The following INPP4B variants were observed in gnomAD, a reference collection of about 807,000 sequenced individuals.
The protein encoded by INPP4B is inositol polyphosphate-4-phosphatase type II B.
Under a neutral mutation model 122.5 loss-of-function variants are expected in INPP4B, and 55 were observed. The ratio of observed to expected loss-of-function variants is 0.45; its 90% CI spans 0.36 to 0.56. The LOEUF (loss-of-function observed/expected upper bound fraction) is 0.56, where lower values mean the gene tolerates loss of function less well. Among genes scored for constraint, INPP4B ranks in the 20% least tolerant of loss-of-function variants. INPP4B has a pLI of 0.00. For missense variants in INPP4B, 1,000 were observed against 1,097.7 expected, an observed-to-expected ratio of 0.91 and a Z score of 1.26; for synonymous variants, 403 against 388.7, an observed-to-expected ratio of 1.04 and a Z score of -0.43.
intron 1 of INPP4B, among the ~76,000 whole-genome samples, chr4:142,791,919 C>G (rs890365316): frequency 6.6e-5 from 10 of 152,072 alleles, no homozygotes; most frequent in African/African-American, 2.4e-4. Context: ...CCACCTCCAA[C>G]AATCCTGGCA....
In INPP4B at chr4:142,158,221, T is replaced by C. The variant is rs567463380; in HGVS notation, c.1563+2137A>G. On this transcript the variant is annotated intron_variant, in intron 17 of 25. Transcript: ENST00000262992. Reference sequence around the variant, plus strand: ...ATCTAAAAGGGCACCACATCTTCTTTCTTGAATGATTAACTTATACTCAGA... The same window carrying C: ...ATCTAAAAGGGCACCACATCTTCTTCCTTGAATGATTAACTTATACTCAGA... Among the ~76,000 whole-genome samples the C allele has an allele frequency of 3.3e-3, 502 of 152,274 alleles. 3 individuals carry two copies. The highest frequency in any genetic ancestry group is 5.9e-3 in the Non-Finnish European group (401 of 68,018).
intron 2 of INPP4B, among the ~76,000 whole-genome samples, chr4:142,686,675 TACAAAATGCATTTCA>T (rs1233760101): frequency 6.6e-6 from 1 of 152,108 alleles, no homozygotes; most frequent in Admixed American, 6.6e-5. Context: ...GCTTCTACAG[TACAAAATGCATTTCA>T]TAGATCAGAT....
intron 12 of INPP4B, among the ~76,000 whole-genome samples, chr4:142,211,373 C>T (rs914133139): frequency 1.1e-4 from 17 of 152,140 alleles, no homozygotes; most frequent in Middle Eastern, 3.4e-3. Flanking sequence ...ATCAGGAAGC[C>T]TAGGGCTATT....
chr4:142,654,634 T>C (rs1435818354), intron 2 of INPP4B: 1 of 152,220 alleles, frequency 6.6e-6, no homozygotes, highest in Non-Finnish European at 1.5e-5. Context: ...TCTAAAGTTC[T>C]TGTTTCAAAG....
In INPP4B at chr4:142,284,322, G is replaced by T. The variant is rs564977406; in HGVS notation, c.504-13548C>A. Among the ~76,000 whole-genome samples the T allele has an allele frequency of 7.2e-5, 11 of 152,192 alleles. No individual in the cohort carries two copies. The East Asian group carries it at 2.1e-3, about 29-fold the overall frequency. ...ATAATTTATGATGCAAAAGAAAAAT[G>T]ACATAAGTGCTGGAATAATGTTCTC... On this transcript the variant is annotated intron_variant, in intron 9 of 25. Coordinates refer to ENST00000262992, the MANE Select transcript of INPP4B (RefSeq NM_001101669.3).
At chr4:142,192,432 A>G (rs1195517784) in intron 15 of INPP4B, among the ~76,000 whole-genome samples, 1 of 149,990 alleles carries the variant, frequency 6.7e-6, no homozygotes, top group Non-Finnish European at 1.5e-5. Context: ...TTTATGTTTT[A>G]CATGAGCGTG....
At chr4:142,092,763 T>C (rs1780152031) in intron 23 of INPP4B, among the ~76,000 whole-genome samples, 2 of 152,322 alleles carry the variant, frequency 1.3e-5, no homozygotes, top group Admixed American at 1.3e-4. Context: ...AGCAAATTGT[T>C]ATATATGTAT....
At chr4:142,389,532 T>A (rs1417516786) in intron 7 of INPP4B, among the ~76,000 whole-genome samples, 1 of 152,190 alleles carries the variant, frequency 6.6e-6, no homozygotes, top group African/African-American at 2.4e-5. Flanking sequence ...ATTAAGCAGA[T>A]CAGATATTAG....
chr4:142,033,749 C>A (rs1741972064), intron 25 of INPP4B, among the ~76,000 whole-genome samples: 1 of 146,414 alleles, frequency 6.8e-6, no homozygotes. Context: ...ACTGCAGCTT[C>A]TATCTCTCGA....
At chr4:142,842,560 TATATA>T (rs1380252387) in intron 1 of INPP4B, among the ~76,000 whole-genome samples, 2 of 141,580 alleles carry the variant, frequency 1.4e-5, no homozygotes, top group African/African-American at 2.6e-5. Context: ...TTATATATAA[TATATA>T]ATATATGATA....
chr4:142,426,849 A>T (rs1365246386), intron 5 of INPP4B: 2 of 151,980 alleles, frequency 1.3e-5, no homozygotes, highest in Non-Finnish European at 2.9e-5. Flanking sequence ...AATAATTTGA[A>T]TACTTTGGTT....
chr4:142,369,369 A>G (rs905613810), intron 7 of INPP4B, among the ~76,000 whole-genome samples: 2 of 151,886 alleles, frequency 1.3e-5, no homozygotes, highest in African/African-American at 4.8e-5. Flanking sequence ...GGAATGCTTG[A>G]GCCAAGGAGT....
At chr4:142,090,180 C>T (rs553446219) in intron 23 of INPP4B, among the ~76,000 whole-genome samples, 9 of 152,282 alleles carry the variant, frequency 5.9e-5, no homozygotes, top group Non-Finnish European at 1.3e-4. Flanking sequence ...CCTGGCCATC[C>T]TTTCCCCATT....
intron 2 of INPP4B, among the ~76,000 whole-genome samples, chr4:142,603,708 GA>G (rs141527622): frequency 0.013 from 1,984 of 152,094 alleles, 37 homozygotes; most frequent in African/African-American, 0.037. Context: ...TAGCAAGACT[GA>G]AATCAGTAAC....
chr4:142,673,114 A>G (rs1689513058), intron 2 of INPP4B, among the ~76,000 whole-genome samples: 1 of 152,172 alleles, frequency 6.6e-6, no homozygotes, highest in African/African-American at 2.4e-5. Context: ...TACCTAGACC[A>G]CACTCACTGA....
intron 10 of INPP4B, among the ~76,000 whole-genome samples, chr4:142,264,242 C>T (rs1204167157): frequency 2.0e-5 from 3 of 151,894 alleles, no homozygotes; most frequent in African/African-American, 7.3e-5. Flanking sequence ...CTGTAAACAT[C>T]CAGGTGATAG....
chr4:142,468,101 C>T (rs1011299271), intron 2 of INPP4B: 1 of 152,074 alleles, frequency 6.6e-6, no homozygotes, highest in African/African-American at 2.4e-5. Flanking sequence ...TATAAATTAC[C>T]CAGCTCCGAG....
intron 18 of INPP4B, among the ~76,000 whole-genome samples, chr4:142,129,902 C>T (rs1292441377): frequency 1.3e-5 from 2 of 152,096 alleles, no homozygotes; most frequent in East Asian, 3.8e-4. Flanking sequence ...ATAGTGTCTT[C>T]TATGTGAGGT....
chr4:142,191,531 T>C (rs550077367), intron 15 of INPP4B, among the ~76,000 whole-genome samples: 3 of 152,270 alleles, frequency 2.0e-5, no homozygotes, highest in African/African-American at 7.2e-5. Flanking sequence ...CCTTCCCCCA[T>C]GGGGCCTATG....
Sources: gnomAD v4.1 joint callset for allele counts (sites outside exome capture counted in the v4.1 genomes callset) on GRCh38, gnomAD v4.1.1 for gene constraint, MANE v1.5 for transcripts, NCBI Gene and HGNC (gene_info 2026-07-23, HGNC 2026-07-21) for gene names.